The following FGGY variants were observed in gnomAD, a reference collection of about 807,000 sequenced individuals.
FGGY encodes the protein FGGY carbohydrate kinase domain-containing protein.
FGGY carries 72 observed loss-of-function variants against 71.3 expected under a neutral mutation model. The observed-to-expected ratio is 1.01, with a 90% CI of 0.84 to 1.23. FGGY has a LOEUF of 1.23. Among genes scored for constraint, FGGY ranks in the 50% most tolerant of loss-of-function variants. The pLI, the probability that FGGY is intolerant of heterozygous loss-of-function variation, is 0.00. For missense variants in FGGY, 668 were observed against 682.3 expected, an observed-to-expected ratio of 0.98 and a Z score of 0.23; for synonymous variants, 251 against 250.3, an observed-to-expected ratio of 1.00 and a Z score of -0.02.
chr1:59,372,260 A>G (rs1176412980), intron 4 of FGGY, among the ~76,000 whole-genome samples: 2 of 152,212 alleles, frequency 1.3e-5, no homozygotes, highest in African/African-American at 4.8e-5. Context: ...ACAAACTACC[A>G]TCAGAGAATA....
At chr1:59,589,366 T>C (rs1254032139) in intron 8 of FGGY, among the ~76,000 whole-genome samples, 2 of 152,022 alleles carry the variant, frequency 1.3e-5, no homozygotes, top group Non-Finnish European at 2.9e-5. Flanking sequence ...CTGTCAACAT[T>C]AGACAGATCA....
At chr1:59,616,271 G>A (rs1234276202) in intron 9 of FGGY, among the ~76,000 whole-genome samples, 1 of 152,224 alleles carries the variant, frequency 6.6e-6, no homozygotes, top group Non-Finnish European at 1.5e-5. Flanking sequence ...TTAAGAAAAT[G>A]TGGCACATAT....
intron 4 of FGGY, among the ~76,000 whole-genome samples, chr1:59,369,436 A>G (rs1170849036): frequency 6.6e-6 from 1 of 152,224 alleles, no homozygotes; most frequent in Non-Finnish European, 1.5e-5. Flanking sequence ...AGCCCACCAC[A>G]GCTCAAGGAG....
intron 10 of FGGY, among the ~76,000 whole-genome samples, chr1:59,630,916 G>A (rs542263972): frequency 1.3e-5 from 2 of 152,094 alleles, no homozygotes; most frequent in Admixed American, 1.3e-4. Context: ...CCAAAGCATC[G>A]CCTGTACTCT....
intron 6 of FGGY, among the ~76,000 whole-genome samples, chr1:59,473,842 C>G (rs2093122412): frequency 6.6e-6 from 1 of 152,168 alleles, no homozygotes; most frequent in South Asian, 2.1e-4. Context: ...TTTGTGGCTC[C>G]TATGAAGCTG....
At chr1:59,624,651 G>T (rs146951692) in intron 9 of FGGY, among the ~76,000 whole-genome samples, 2 of 152,110 alleles carry the variant, frequency 1.3e-5, no homozygotes, top group East Asian at 1.9e-4. Flanking sequence ...AAGGCGAAAG[G>T]CATGTCTAAC....
intron 9 of FGGY, among the ~76,000 whole-genome samples, chr1:59,608,237 C>T (rs1201439673): frequency 6.6e-6 from 1 of 152,148 alleles, no homozygotes; most frequent in Non-Finnish European, 1.5e-5. Context: ...CAGTTTTCCC[C>T]ATAGCCCCTT....
At chr1:59,448,167 C>T (rs1209299075) in intron 5 of FGGY, among the ~76,000 whole-genome samples, 1 of 152,112 alleles carries the variant, frequency 6.6e-6, no homozygotes, top group Non-Finnish European at 1.5e-5. Context: ...TTTAGATTTT[C>T]GATGCTGTCA....
chr1:59,614,671 A>G (rs962194270), intron 9 of FGGY, among the ~76,000 whole-genome samples: 4 of 152,226 alleles, frequency 2.6e-5, no homozygotes, highest in African/African-American at 9.6e-5. Context: ...GGAGAAGGAA[A>G]TAAAGGGTAT....
chr1:59,664,634 C>A lies in FGGY; in HGVS notation c.1297-2649C>A, dbSNP rs1360050150. On this transcript the variant is annotated intron_variant, in intron 12 of 15. Transcript: ENST00000303721. ...TGTATTGCTTAGTCAAATTATATAT[C>A]TCCTAAGTGGAGAAAACAATATGCA... Among the ~76,000 whole-genome samples, 9 of 152,330 alleles carry A rather than the reference C, an allele frequency of 5.9e-5. No homozygotes were observed. The South Asian group carries it at 1.0e-3, about 18-fold the overall frequency.
At chr1:59,508,837 C>G (rs1350147116) in intron 6 of FGGY, among the ~76,000 whole-genome samples, 1 of 152,102 alleles carries the variant, frequency 6.6e-6, no homozygotes, top group African/African-American at 2.4e-5. Context: ...GTTGGGTTTT[C>G]CAGAAGCAAA....
At position 59,608,501 on chromosome 1, in the gene FGGY, T is replaced by C. The variant is rs553546271; in HGVS notation, c.1011+591T>C. Among the ~76,000 whole-genome samples the C allele has an allele frequency of 3.3e-5, 5 of 152,328 alleles. No individual in the cohort carries two copies. In the East Asian group the frequency reaches 9.6e-4, roughly 29 times the overall value. On this transcript the variant is annotated intron_variant, in intron 9 of 15. Transcript: ENST00000303721. ...AGCACACTCTGTTATTCTTATTGGTTACTAATCCCCTTTTCTAGAACACTC... is the reference window on the plus strand; with the variant it reads ...AGCACACTCTGTTATTCTTATTGGTCACTAATCCCCTTTTCTAGAACACTC...
intron 6 of FGGY, among the ~76,000 whole-genome samples, chr1:59,468,176 T>C (rs904413852): frequency 6.6e-6 from 1 of 152,208 alleles, no homozygotes; most frequent in Non-Finnish European, 1.5e-5. Context: ...GTGCTGGGAT[T>C]ATAGGCATAA....
intron 8 of FGGY, among the ~76,000 whole-genome samples, chr1:59,559,512 G>A (rs1035464881): frequency 2.0e-5 from 3 of 152,056 alleles, no homozygotes; most frequent in African/African-American, 7.2e-5. Context: ...TTATTTCCTG[G>A]CTCTGTTAGC....
intron 4 of FGGY, among the ~76,000 whole-genome samples, chr1:59,350,617 G>C (rs1447471948): frequency 6.6e-6 from 1 of 152,138 alleles, no homozygotes; most frequent in East Asian, 1.9e-4. Context: ...CTTATTAAGG[G>C]CTTATTTGGT....
intron 5 of FGGY, among the ~76,000 whole-genome samples, chr1:59,432,996 C>T (rs900216815): frequency 3.9e-5 from 6 of 152,224 alleles, no homozygotes; most frequent in African/African-American, 1.4e-4. Flanking sequence ...ACCTCTCCCA[C>T]AAGATTCAGA....
chr1:59,342,529 A>G (rs774013687), intron 3 of FGGY, among the ~76,000 whole-genome samples: 1 of 152,194 alleles, frequency 6.6e-6, no homozygotes, highest in Non-Finnish European at 1.5e-5. Context: ...CCATTCATCA[A>G]ATGCATCCAG....
chr1:59,439,083 A>G (rs1349684770), intron 5 of FGGY, among the ~76,000 whole-genome samples: 1 of 151,986 alleles, frequency 6.6e-6, no homozygotes, highest in African/African-American at 2.4e-5. Flanking sequence ...TTGTCACTTC[A>G]TGGCAGTTTA....
chr1:59,515,945 A>G (rs537250221), intron 7 of FGGY, among the ~76,000 whole-genome samples: 7 of 152,292 alleles, frequency 4.6e-5, no homozygotes, highest in African/African-American at 1.7e-4. Flanking sequence ...TAATGGAAAG[A>G]TAGAATAAGA....
Sources: allele counts gnomAD v4.1 joint callset (sites outside exome capture counted in the v4.1 genomes callset), GRCh38; gene constraint gnomAD v4.1.1; transcripts MANE v1.5; gene names NCBI Gene and HGNC (gene_info 2026-07-23, HGNC 2026-07-21).